ADAT2: variants seen among roughly 807,000 people sequenced by gnomAD.
ADAT2 encodes tRNA-specific adenosine-34 deaminase catalytic subunit ADAT2.
A neutral mutation model predicts 25.9 loss-of-function variants in ADAT2; 26 were observed. That is an observed-to-expected ratio of 1.00 (90% CI 0.74 to 1.39). The LOEUF is 1.39. Among genes scored for constraint, ADAT2 ranks in the 40% most tolerant of loss-of-function variants. The probability of loss-of-function intolerance (pLI) is 0.00; values close to 1 mark genes in which losing one functional copy is unlikely to be tolerated. For synonymous variants in ADAT2, 76 were observed against 86.8 expected (o/e 0.88, Z 0.69); for missense variants, 220 against 244.8 (o/e 0.90, Z 0.68).
In ADAT2 at chr6:143,428,519, T is replaced by C. The variant is rs1439735681; in HGVS notation, c.533-13A>G. On this transcript the variant is annotated splice_polypyrimidine_tract_variant and intron_variant, in intron 5 of 5. Coordinates refer to ENST00000237283, the MANE Select transcript of ADAT2 (RefSeq NM_182503.3). The surrounding 1 kb of genome is among the most constrained non-coding windows in gnomAD (Gnocchi z 5.0). ...TTCGATTTTGGTGCTGTGAAAAGAA[T>C]AGAAAAGAAAAAGAAAATGAAGAGG... 12 of 1,613,710 alleles carry C rather than the reference T, an allele frequency of 7.4e-6. No homozygotes were observed. The African/African-American group carries it at 1.3e-4, about 18-fold the overall frequency.
rs1778982699 is a variant in ADAT2, at chr6:143,427,785, A to T, written c.*678T>A. 6.6e-6 allele frequency: 1 copy of T among 152,228 alleles called. No homozygotes were observed. The highest frequency in any genetic ancestry group is 6.5e-5 in the Admixed American group (1 of 15,276). The allele number at this position is 152,228 out of a possible 1,614,324, so 9.4% of individuals were successfully genotyped here. A position where few individuals can be genotyped will look rare whatever the true frequency, so the allele number is the denominator to read the frequency against. ...TTGCTCAATAACAATTGTCCCATTTATGTCTTTATCTTTTAAGACTATTCA... is the reference window on the plus strand; with the variant it reads ...TTGCTCAATAACAATTGTCCCATTTTTGTCTTTATCTTTTAAGACTATTCA... On this transcript the variant is annotated 3_prime_UTR_variant, in exon 6 of 6. Coordinates refer to ENST00000237283, the MANE Select transcript of ADAT2 (RefSeq NM_182503.3).
At position 143,436,459 on chromosome 6, in the gene ADAT2, A is replaced by T; in HGVS notation, c.201+2131T>A. On this transcript the variant is annotated intron_variant, in intron 2 of 5. Coordinates refer to ENST00000237283, the MANE Select transcript of ADAT2 (RefSeq NM_182503.3). This position sits in a 1 kb window ranked among gnomAD's most constrained non-coding sequence, Gnocchi z 4.1. ...GGACATCCCATCCGCAGGACTAAAAACGTCCACCACTTTCATCAGTAACAA... is the reference window on the plus strand; with the variant it reads ...GGACATCCCATCCGCAGGACTAAAATCGTCCACCACTTTCATCAGTAACAA... The T allele has an allele frequency of 3.8e-6, 1 of 266,496 alleles. No homozygotes were observed. The highest frequency in any genetic ancestry group is 7.7e-6 in the Non-Finnish European group (1 of 129,594). 16.5% of individuals were successfully genotyped at this position (266,496 alleles called of 1,614,324 possible).
In ADAT2 at chr6:143,437,796, AG is replaced by A. The variant is rs1387591291; in HGVS notation, c.201+793del. 4.6e-5 allele frequency among the ~76,000 whole-genome samples: 7 copies of A among 152,212 alleles called. No homozygotes were observed. Among genetic ancestry groups the A allele is most frequent in the Non-Finnish European group, 8.8e-5 (6 of 68,026 alleles). On this transcript the variant is annotated intron_variant, in intron 2 of 5. Coordinates refer to ENST00000237283, the MANE Select transcript of ADAT2 (RefSeq NM_182503.3). The surrounding 1 kb of genome is among the most constrained non-coding windows in gnomAD (Gnocchi z 4.1). ...TCCCAAAATCATATGACAAGATAAA[AG>A]TCTGTGTGAATGGCATTACAGGTAT... is the stretch of plus-strand genomic sequence containing the variant.
In ADAT2 at chr6:143,422,832, T is replaced by C. The variant is rs1284823187; in HGVS notation, c.*5631A>G. 2 of 152,326 alleles carry C rather than the reference T, an allele frequency of 1.3e-5. No homozygotes were observed. Among genetic ancestry groups the C allele is most frequent in the East Asian group, 3.9e-4 (2 of 5,188 alleles). 9.4% of individuals were successfully genotyped at this position (152,326 alleles called of 1,614,324 possible). A position where few individuals can be genotyped will look rare whatever the true frequency, so the allele number is the denominator to read the frequency against. On this transcript the variant is annotated 3_prime_UTR_variant, in exon 6 of 6. Coordinates refer to ENST00000237283, the MANE Select transcript of ADAT2 (RefSeq NM_182503.3). This position sits in a 1 kb window ranked among gnomAD's most constrained non-coding sequence, Gnocchi z 4.3. ...ACAGAAAATAATATTTTAAACATGA[T>C]GATCATAAATAAAATGTATTATTTA...
chr6:143,434,646 T>G lies in ADAT2; in HGVS notation c.202-665A>C, dbSNP rs185117039. On this transcript the variant is annotated intron_variant, in intron 2 of 5. Coordinates refer to ENST00000237283, the MANE Select transcript of ADAT2 (RefSeq NM_182503.3). This position sits in a 1 kb window ranked among gnomAD's most constrained non-coding sequence, Gnocchi z 4.5. ...AACTTAACTTCTGTAAGTCTAGGAT[T>G]CCCCATATGTAAAATGGTATACACT... Among the ~76,000 whole-genome samples, 529 of 152,328 alleles carry G rather than the reference T, an allele frequency of 3.5e-3. No homozygotes were observed. The highest frequency in any genetic ancestry group is 6.3e-3 in the Non-Finnish European group (427 of 68,034).
chr6:143,431,869 T>C (rs1295269004), intron 4 of ADAT2, among the ~76,000 whole-genome samples: 1 of 152,200 alleles, frequency 6.6e-6, no homozygotes, highest in African/African-American at 2.4e-5. Context: ...GGCCAAACTC[T>C]GAAATACAAA....
intron 1 of ADAT2, among the ~76,000 whole-genome samples, chr6:143,445,424 C>A: frequency 6.6e-6 from 1 of 152,096 alleles, no homozygotes; most frequent in African/African-American, 2.4e-5. Context: ...GAGCCCTGTT[C>A]TAGATAGATA....
Position 143,434,652 on chromosome 6 carries a change from T to A in ADAT2, c.202-671A>T, listed in dbSNP as rs1448796418. 6.6e-6 allele frequency among the ~76,000 whole-genome samples: 1 copy of A among 152,200 alleles called. No individual in the cohort carries two copies. ...ACTTCTGTAAGTCTAGGATTCCCCA[T>A]ATGTAAAATGGTATACACTGGTATC... is the stretch of plus-strand genomic sequence containing the variant. On this transcript the variant is annotated intron_variant, in intron 2 of 5. Coordinates refer to ENST00000237283, the MANE Select transcript of ADAT2 (RefSeq NM_182503.3). The surrounding 1 kb of genome is among the most constrained non-coding windows in gnomAD (Gnocchi z 4.5).
chr6:143,430,783 T>C (rs1779088625), intron 4 of ADAT2, among the ~76,000 whole-genome samples: 1 of 152,100 alleles, frequency 6.6e-6, no homozygotes. Context: ...GCCAGGATGG[T>C]CTCGATCTCC....
intron 1 of ADAT2, among the ~76,000 whole-genome samples, chr6:143,439,719 T>G (rs1374771251): frequency 6.6e-6 from 1 of 152,066 alleles, no homozygotes; most frequent in African/African-American, 2.4e-5. Context: ...ACAAAAAAAT[T>G]TTCTGAGGTG....
intron 1 of ADAT2, chr6:143,441,982 A>T (rs1779470330): frequency 1.3e-5 from 2 of 152,246 alleles, no homozygotes; most frequent in Non-Finnish European, 1.5e-5. Context: ...CACACTGGAA[A>T]ATAGTTTGGC....
chr6:143,427,868 G>A lies in ADAT2; in HGVS notation c.*595C>T, dbSNP rs926489193. On this transcript the variant is annotated 3_prime_UTR_variant, in exon 6 of 6. Transcript: ENST00000237283. ...TAGCAATATGCTATAATTTTTAAGT[G>A]ACAACTCAAGCACTTGTTTTAAAAG... 6.6e-6 allele frequency: 1 copy of A among 152,114 alleles called. No individual in the cohort carries two copies. The highest frequency in any genetic ancestry group is 1.5e-5 in the Non-Finnish European group (1 of 68,066). The allele number at this position is 152,114 out of a possible 1,614,324, so 9.4% of individuals were successfully genotyped here. A position where few individuals can be genotyped will look rare whatever the true frequency, so the allele number is the denominator to read the frequency against.
chr6:143,441,175 C>A (rs558089313), intron 1 of ADAT2, among the ~76,000 whole-genome samples: 1 of 152,234 alleles, frequency 6.6e-6, no homozygotes, highest in East Asian at 1.9e-4. Flanking sequence ...TTTTTAGCCA[C>A]CATGTTTGTG....
In ADAT2 at chr6:143,440,786, AATT is replaced by A. The variant is rs1309350263; in HGVS notation, c.97-2095_97-2093del. On this transcript the variant is annotated intron_variant, in intron 1 of 5. Coordinates refer to ENST00000237283, the MANE Select transcript of ADAT2 (RefSeq NM_182503.3). This position sits in a 1 kb window ranked among gnomAD's most constrained non-coding sequence, Gnocchi z 4.5. ...TGCTAACTACCAGTGTAGCTATGGC[AATT>A]ATTATACTAAGAATTTTATTTAAGG... is the stretch of plus-strand genomic sequence containing the variant. 6.6e-6 allele frequency among the ~76,000 whole-genome samples: 1 copy of A among 152,214 alleles called. No homozygotes were observed. The highest frequency in any genetic ancestry group is 1.5e-5 in the Non-Finnish European group (1 of 68,042).
At chr6:143,438,163 G>A (rs927469409) in intron 2 of ADAT2, among the ~76,000 whole-genome samples, 1 of 151,878 alleles carries the variant, frequency 6.6e-6, no homozygotes, top group Non-Finnish European at 1.5e-5. Context: ...TTATTTAAAG[G>A]TACTAAAAAA....
Position 143,436,553 on chromosome 6 carries a change from T to C in ADAT2, c.201+2037A>G. On this transcript the variant is annotated intron_variant, in intron 2 of 5. Coordinates refer to ENST00000237283, the MANE Select transcript of ADAT2 (RefSeq NM_182503.3). This position sits in a 1 kb window ranked among gnomAD's most constrained non-coding sequence, Gnocchi z 4.1. ...ACAGCCATGTTCAGGTGCAAGGCCT[T>C]CCTGCACTGGTACATGGGCGAGGGC... 4.9e-6 allele frequency: 2 copies of C among 409,366 alleles called. No individual in the cohort carries two copies. Among genetic ancestry groups the C allele is most frequent in the Non-Finnish European group, 5.0e-6 (1 of 200,246 alleles). The allele number at this position is 409,366 out of a possible 1,614,324, so 25.4% of individuals were successfully genotyped here. A position where few individuals can be genotyped will look rare whatever the true frequency, so the allele number is the denominator to read the frequency against.
At chr6:143,449,068 AC>A (rs1292265247) in intron 1 of ADAT2, among the ~76,000 whole-genome samples, 1 of 127,936 alleles carries the variant, frequency 7.8e-6, no homozygotes, top group Non-Finnish European at 1.8e-5. Flanking sequence ...CTTTTTTGAG[AC>A]AGGGTCTGGC....
rs1305536681 is a variant in ADAT2, at chr6:143,434,879, T to C, written c.202-898A>G. ...AATAATTTACACTGAGTATTAACCA[T>C]GCACAAGCCACTGGGCTAAATAAAT... On this transcript the variant is annotated intron_variant, in intron 2 of 5. Coordinates refer to ENST00000237283, the MANE Select transcript of ADAT2 (RefSeq NM_182503.3). This position sits in a 1 kb window ranked among gnomAD's most constrained non-coding sequence, Gnocchi z 4.5. Among the ~76,000 whole-genome samples, 4 of 152,202 alleles carry C rather than the reference T, an allele frequency of 2.6e-5. No individual in the cohort carries two copies. Among genetic ancestry groups the C allele is most frequent in the East Asian group, 1.9e-4 (1 of 5,200 alleles).
In ADAT2 at chr6:143,427,545, G is replaced by C. The variant is rs1251247704; in HGVS notation, c.*918C>G. 6.6e-6 allele frequency: 1 copy of C among 152,170 alleles called. No individual in the cohort carries two copies. The highest frequency in any genetic ancestry group is 1.5e-5 in the Non-Finnish European group (1 of 68,032). The allele number at this position is 152,170 out of a possible 1,614,324, so 9.4% of individuals were successfully genotyped here. On this transcript the variant is annotated 3_prime_UTR_variant, in exon 6 of 6. Transcript: ENST00000237283. ...TTTTAGATTTTAAATTTATTATATGGATTATAAAAGAAATAACCATTTGTT... is the reference window on the plus strand; with the variant it reads ...TTTTAGATTTTAAATTTATTATATGCATTATAAAAGAAATAACCATTTGTT...
Sources: allele counts gnomAD v4.1 joint callset (sites outside exome capture counted in the v4.1 genomes callset), GRCh38; gene constraint gnomAD v4.1.1; non-coding constraint Gnocchi (gnomAD v3.1); transcripts MANE v1.5; gene names NCBI Gene and HGNC (gene_info 2026-07-23, HGNC 2026-07-21).